MCM10: variants seen among roughly 807,000 people sequenced by gnomAD.
MCM10 encodes protein MCM10 homolog.
MCM10 carries 91 observed loss-of-function variants against 109.9 expected under a neutral mutation model. The observed-to-expected ratio is 0.83, with a 90% confidence interval of 0.70 to 0.99. MCM10 has a LOEUF of 0.99. Among genes scored for constraint, MCM10 ranks in the 50% least tolerant of loss-of-function variants. The pLI, the probability that MCM10 is intolerant of heterozygous loss-of-function variation, is 0.00. For synonymous variants in MCM10, 380 were observed against 387.2 expected, an observed-to-expected ratio of 0.98 and a Z score of 0.22; for missense variants, 1,077 against 1,061.2, an observed-to-expected ratio of 1.01 and a Z score of -0.21.
intron 6 of MCM10, among the ~76,000 whole-genome samples, chr10:13,177,787 C>T (rs946709973): frequency 2.0e-5 from 3 of 150,994 alleles, no homozygotes; most frequent in African/African-American, 7.3e-5. Flanking sequence ...GAAGTCAAGG[C>T]TGCAGCGGGC....
In MCM10 at chr10:13,194,530, A is replaced by G. The variant is rs961711052; in HGVS notation, c.1746-511A>G. Among the ~76,000 whole-genome samples the G allele has an allele frequency of 4.7e-5, 7 of 149,186 alleles. No homozygotes were observed. In the South Asian group the frequency reaches 8.3e-4, roughly 18 times the overall value. Reference sequence around the variant, plus strand: ...CACTGCACTCCAGCCTGGGTGACACAGCGAGACTCTGTCTCAAAAAAATCA... The same window carrying G: ...CACTGCACTCCAGCCTGGGTGACACGGCGAGACTCTGTCTCAAAAAAATCA... On this transcript the variant is annotated intron_variant, in intron 13 of 19. Transcript: ENST00000378714.
chr10:13,179,188 CTTTA>C (rs2131566260), intron 6 of MCM10, among the ~76,000 whole-genome samples: 2 of 152,196 alleles, frequency 1.3e-5, no homozygotes, highest in South Asian at 4.2e-4. Flanking sequence ...TTTGGATGCC[CTTTA>C]TTTCTTTCTC....
rs556851077 is a variant in MCM10 at position 13,167,903 on chromosome 10, G to C, written c.8-3019G>C. ...AAGAGCCACTGGGGATCCGAGAAAC[G>C]TGCTGATAGTAGATTTCACATCCCA... On this transcript the variant is annotated intron_variant, in intron 2 of 19. Coordinates refer to ENST00000378714, the MANE Select transcript of MCM10 (RefSeq NM_018518.5). 5.9e-5 allele frequency among the ~76,000 whole-genome samples: 9 copies of C among 152,308 alleles called. No individual in the cohort carries two copies. The South Asian group carries it at 1.5e-3, about 25-fold the overall frequency.
Position 13,172,846 on chromosome 10 carries a change from C to T in MCM10, c.592+81C>T. On this transcript the variant is annotated intron_variant, in intron 5 of 19. Transcript: ENST00000378714. The surrounding 1 kb of genome is among the most constrained non-coding windows in gnomAD (Gnocchi z 5.2). ...GGGGTGTTCATGTGTGTGTGGGTGT[C>T]TGTGTCTTTTGGTCTGTCTTATGTC... 7.1e-7 allele frequency: 1 copy of T among 1,412,870 alleles called. No homozygotes were observed. Among genetic ancestry groups the T allele is most frequent in the Non-Finnish European group, 9.8e-7 (1 of 1,023,484 alleles). 87.5% of individuals were successfully genotyped at this position (1,412,870 alleles called of 1,614,324 possible). A position where few individuals can be genotyped will look rare whatever the true frequency, so the allele number is the denominator to read the frequency against.
Position 13,166,527 on chromosome 10 carries a change from C to T in MCM10, c.7+2318C>T, listed in dbSNP as rs577077872. Reference sequence around the variant, plus strand: ...GCACATGCCTGTAATCCCAGCTACTCGGGAGGCTGAGGCAGGAGAATCACT... The same window carrying T: ...GCACATGCCTGTAATCCCAGCTACTTGGGAGGCTGAGGCAGGAGAATCACT... On this transcript the variant is annotated intron_variant, in intron 2 of 19. Transcript: ENST00000378714. Among the ~76,000 whole-genome samples the T allele has an allele frequency of 8.6e-5, 13 of 151,198 alleles. No homozygotes were observed. In the South Asian group the frequency reaches 1.0e-3, roughly 12 times the overall value.
At chr10:13,175,474 G>A in intron 5 of MCM10, 36 bp from the exon 6 acceptor site, 2 of 1,570,644 alleles carry the variant, frequency 1.3e-6, no homozygotes, top group Non-Finnish European at 8.8e-7. Flanking sequence ...GATTATCAGT[G>A]TGGTTGCCTT....
chr10:13,186,183 A>G lies in MCM10; in HGVS notation c.1118A>G (p.His373Arg), dbSNP rs200097291. The G allele has an allele frequency of 1.3e-5, 21 of 1,611,364 alleles. No individual in the cohort carries two copies. Among genetic ancestry groups the G allele is most frequent in the Non-Finnish European group, 1.8e-5 (21 of 1,178,002 alleles). The stretch of plus-strand genomic sequence containing the variant: ...TTACAGGTGTGTTTATCTATCGATC[A>G]TCCTCAGAAGGTCTTAATTATGGGT... ...GSEEVCLSID[H>R]PQKVLIMGEA... The change falls in exon 9 of 20, where the codon CAT becomes CGT. Residue 373 changes from histidine (H) to arginine (R), a missense_variant. Physicochemically the swap from His to Arg is conservative, Grantham distance 29. Transcript: ENST00000378714.
At chr10:13,205,858 G>A (rs192243571) in intron 18 of MCM10, among the ~76,000 whole-genome samples, 1 of 152,112 alleles carries the variant, frequency 6.6e-6, no homozygotes, top group East Asian at 1.9e-4. Flanking sequence ...ACTTTTGGGG[G>A]CAACATCAGA....
intron 3 of MCM10, 64 bp downstream of exon 3, chr10:13,171,327 T>C (rs994201974): frequency 7.3e-6 from 10 of 1,379,196 alleles, no homozygotes; most frequent in East Asian, 2.4e-5. Flanking sequence ...ACCAATCTGA[T>C]AGTTGTCATC....
chr10:13,206,681 T>A (rs1007904162), intron 18 of MCM10, among the ~76,000 whole-genome samples: 1 of 151,992 alleles, frequency 6.6e-6, no homozygotes, highest in Non-Finnish European at 1.5e-5. Flanking sequence ...TTAGAAAAAT[T>A]AAAAAAAATT....
At position 13,171,125 on chromosome 10, in the gene MCM10, A is replaced by G. The variant is rs749257083; in HGVS notation, c.211A>G (p.Lys71Glu). The stretch of plus-strand genomic sequence containing the variant: ...AGAAACAGGAGAGACAAGAGACGAA[A>G]AGGAAAATCTGGCCACTCTCTTTGG... The part of the protein sequence containing the change: ...DGETGETRDE[K>E]ENLATLFGDM... The change falls in exon 3 of 20, where the codon AAG becomes GAG. Residue 71 changes from lysine to glutamate, a missense_variant. Transcript: ENST00000378714. 7.4e-6 allele frequency: 12 copies of G among 1,614,110 alleles called. No individual in the cohort carries two copies. The African/African-American group carries it at 1.6e-4, about 22-fold the overall frequency.
In MCM10 at chr10:13,210,671, T is replaced by C. The variant is rs1834649611; in HGVS notation, c.*1361T>C. Reference sequence around the variant, plus strand: ...GGTGGAAGGTGCTGTATCTAACTTGTGTTCCTCCTAAGGTTATGTCCTAAT... The same window carrying C: ...GGTGGAAGGTGCTGTATCTAACTTGCGTTCCTCCTAAGGTTATGTCCTAAT... On this transcript the variant is annotated 3_prime_UTR_variant, in exon 20 of 20. Coordinates refer to ENST00000378714, the MANE Select transcript of MCM10 (RefSeq NM_018518.5). 6.6e-6 allele frequency: 1 copy of C among 152,230 alleles called. No individual in the cohort carries two copies. Among genetic ancestry groups the C allele is most frequent in the Admixed American group, 6.5e-5 (1 of 15,280 alleles). 9.4% of individuals were successfully genotyped at this position (152,230 alleles called of 1,614,324 possible). A position where few individuals can be genotyped will look rare whatever the true frequency, so the allele number is the denominator to read the frequency against.
In MCM10 at chr10:13,209,374, T is replaced by G; in HGVS notation, c.*64T>G. 7.9e-7 allele frequency: 1 copy of G among 1,262,586 alleles called. No individual in the cohort carries two copies. The highest frequency in any genetic ancestry group is 1.2e-6 in the Non-Finnish European group (1 of 866,802). 78.2% of individuals were successfully genotyped at this position (1,262,586 alleles called of 1,614,324 possible). On this transcript the variant is annotated 3_prime_UTR_variant, in exon 20 of 20. Coordinates refer to ENST00000378714, the MANE Select transcript of MCM10 (RefSeq NM_018518.5). ...CCTGTGACTCTGGAAAGCAAAGGAT[T>G]GGCTGTGTATTGTCCATTGATTCCT...
In MCM10 at chr10:13,197,731, G is replaced by A. The variant is rs1442567311; in HGVS notation, c.2083G>A (p.Glu695Lys). The A allele has an allele frequency of 6.2e-7, 1 of 1,613,270 alleles. No homozygotes were observed. The highest frequency in any genetic ancestry group is 8.5e-7 in the Non-Finnish European group (1 of 1,179,840). The part of the protein sequence containing the change: ...KDPQDILEVK[E>K]RVEKNTMFSS... ...CCCTCAGGACATCCTGGAGGTGAAGGAACGTGTAGAAAAAAACACCATGTT... is the reference window on the plus strand; with the variant it reads ...CCCTCAGGACATCCTGGAGGTGAAGAAACGTGTAGAAAAAAACACCATGTT... Residue 695 changes from glutamate to lysine, a missense_variant, in exon 15 of 20, where the codon GAA (glutamate) becomes AAA (lysine). Coordinates refer to ENST00000378714, the MANE Select transcript of MCM10 (RefSeq NM_018518.5).
chr10:13,168,508 C>A (rs1416487232), intron 2 of MCM10, among the ~76,000 whole-genome samples: 1 of 150,234 alleles, frequency 6.7e-6, no homozygotes, highest in East Asian at 2.0e-4. Context: ...ATACTCTAGC[C>A]CCTGAATTTC....
In MCM10 at chr10:13,172,160, T is replaced by C. The variant is rs7073480; in HGVS notation, c.350-216T>C. On this transcript the variant is annotated intron_variant, in intron 3 of 19. Coordinates refer to ENST00000378714, the MANE Select transcript of MCM10 (RefSeq NM_018518.5). The surrounding 1 kb of genome is among the most constrained non-coding windows in gnomAD (Gnocchi z 5.2). ...TAGTAAAGATTTATAACTAGTTTGA[T>C]TATTGGGTGCTTCGTTTACTTTAAA... Among the ~76,000 whole-genome samples, 131,389 of 152,108 alleles carry C rather than the reference T, an allele frequency of 0.86. 56,839 individuals are homozygous for C. The highest frequency in any genetic ancestry group is 0.91 in the South Asian group (4,382 of 4,806).
At chr10:13,197,458 C>T (rs548222939) in intron 14 of MCM10, among the ~76,000 whole-genome samples, 165 bp from the exon 15 acceptor site, 2 of 152,262 alleles carry the variant, frequency 1.3e-5, no homozygotes, top group African/African-American at 2.4e-5. Context: ...CTATTATATT[C>T]TAGTAATTGT....
intron 9 of MCM10, among the ~76,000 whole-genome samples, chr10:13,186,695 A>G (rs1398823754): frequency 6.6e-6 from 1 of 152,188 alleles, no homozygotes; most frequent in African/African-American, 2.4e-5. Flanking sequence ...TCACCCTTTT[A>G]AAGTAAGCAA....
rs1416487232 is a variant in MCM10 at position 13,168,508 on chromosome 10, C to T, written c.8-2414C>T. On this transcript the variant is annotated intron_variant, in intron 2 of 19. Transcript: ENST00000378714. ...GCCCCTCACCCTCTCATACTCTAGC[C>T]CCTGAATTTCAGACAAGGAGAGTAG... 2.7e-5 allele frequency among the ~76,000 whole-genome samples: 4 copies of T among 150,352 alleles called. No individual in the cohort carries two copies. The East Asian group carries it at 7.8e-4, about 30-fold the overall frequency.
Sources: allele counts gnomAD v4.1 joint callset (sites outside exome capture counted in the v4.1 genomes callset), GRCh38; gene constraint gnomAD v4.1.1; non-coding constraint Gnocchi (gnomAD v3.1); transcripts MANE v1.5; gene names NCBI Gene and HGNC (gene_info 2026-07-23, HGNC 2026-07-21).